TAF4B: variants seen among roughly 807,000 people sequenced by gnomAD.
The protein encoded by TAF4B is TATA-box binding protein associated factor 4b.
TAF4B carries 38 observed loss-of-function variants against 86.4 expected under a neutral mutation model. The observed-to-expected ratio is 0.44, with a 90% CI of 0.34 to 0.58. The LOEUF is 0.58. Among genes scored for constraint, TAF4B ranks in the 20% least tolerant of loss-of-function variants. The probability of loss-of-function intolerance (pLI) is 0.02; values close to 1 mark genes in which losing one functional copy is unlikely to be tolerated. For missense variants in TAF4B, 988 were observed against 1,027.6 expected, an observed-to-expected ratio of 0.96 and a Z score of 0.53; for synonymous variants, 388 against 391.2, an observed-to-expected ratio of 0.99 and a Z score of 0.10.
rs1567913975 is a variant in TAF4B, at chr18:26,346,839, G to GTATATATA, written c.2317-10850_2317-10849insATATATAT. On this transcript the variant is annotated intron_variant, in intron 13 of 14. Coordinates refer to ENST00000269142, the MANE Select transcript of TAF4B (RefSeq NM_005640.3). ...TATGTGTGTGTATATATATATATGT[G>GTATATATA]TGTGTGTATATATATATATGTGTAT... Among the ~76,000 whole-genome samples the GTATATATA allele has an allele frequency of 2.5e-3, 26 of 10,250 alleles. 7 individuals carry two copies. Among genetic ancestry groups the GTATATATA allele is most frequent in the Non-Finnish European group, 4.3e-3 (17 of 3,986 alleles). The allele number at this position is 10,250 out of a possible 152,430, so 6.7% of individuals were successfully genotyped here.
chr18:26,284,977 A>T (rs1184891234), intron 6 of TAF4B, among the ~76,000 whole-genome samples: 4 of 151,608 alleles, frequency 2.6e-5, no homozygotes, highest in East Asian at 1.9e-4. Context: ...ATTTAAAAAA[A>T]TTTTTTTTGA....
At chr18:26,262,393 A>G (rs574616063) in intron 1 of TAF4B, among the ~76,000 whole-genome samples, 25 of 152,050 alleles carry the variant, frequency 1.6e-4, no homozygotes, top group Non-Finnish European at 2.9e-4. Flanking sequence ...CAAATGCCAC[A>G]TATTCTTGCT....
At chr18:26,309,421 G>C (rs13381306) in intron 9 of TAF4B, among the ~76,000 whole-genome samples, 1 of 151,818 alleles carries the variant, frequency 6.6e-6, no homozygotes. Context: ...TTATGTATTA[G>C]AATCTAAATT....
At chr18:26,275,673 C>T (rs1021548583) in intron 5 of TAF4B, among the ~76,000 whole-genome samples, 3 of 151,960 alleles carry the variant, frequency 2.0e-5, no homozygotes, top group African/African-American at 7.3e-5. Flanking sequence ...CTACAAAGGG[C>T]CTTGGAGAAA....
chr18:26,277,345 C>T (rs780213773), intron 5 of TAF4B, among the ~76,000 whole-genome samples: 6 of 152,108 alleles, frequency 3.9e-5, no homozygotes, highest in African/African-American at 7.2e-5. Flanking sequence ...CTTGGCCTGG[C>T]GAAGTGCTAG....
At chr18:26,315,126 C>G (rs148321372) in intron 9 of TAF4B, 103 bp from the exon 10 acceptor site, 8,672 of 329,548 alleles carry the variant, frequency 0.026, 767 homozygotes, top group African/African-American at 0.24. Flanking sequence ...CTCTCTCTCT[C>G]TCTCTCTCTC....
chr18:26,233,374 G>GTGAA (rs2055701794), intron 1 of TAF4B, among the ~76,000 whole-genome samples: 1 of 152,308 alleles, frequency 6.6e-6, no homozygotes, highest in African/African-American at 2.4e-5. Flanking sequence ...GGGTCCAGAG[G>GTGAA]TGAATGGTCA....
At chr18:26,389,105 C>A (rs1301610393) in intron 14 of TAF4B, among the ~76,000 whole-genome samples, 1 of 20,896 alleles carries the variant, frequency 4.8e-5, no homozygotes, top group African/African-American at 8.6e-5. Flanking sequence ...AGCTACTGTG[C>A]CCAACCAGAG....
chr18:26,268,055 A>G (rs1049206354), intron 3 of TAF4B, among the ~76,000 whole-genome samples: 21 of 152,160 alleles, frequency 1.4e-4, no homozygotes, highest in African/African-American at 4.8e-4. Context: ...ATGGGTTAAC[A>G]TGGTTGGCTG....
In TAF4B at chr18:26,343,504, C is replaced by T. The variant is rs770921206; in HGVS notation, c.2316+8273C>T. Among the ~76,000 whole-genome samples the T allele has an allele frequency of 3.0e-4, 45 of 152,276 alleles. 1 individual carries two copies. The highest frequency in any genetic ancestry group is 1.0e-3 in the South Asian group (5 of 4,828). On this transcript the variant is annotated intron_variant, in intron 13 of 14. Coordinates refer to ENST00000269142, the MANE Select transcript of TAF4B (RefSeq NM_005640.3). Reference sequence around the variant, plus strand: ...GCAAAAGCTTTGAAAACTGAGCTGACGTTGTAGCCACAGATCACAGAAGTC... The same window carrying T: ...GCAAAAGCTTTGAAAACTGAGCTGATGTTGTAGCCACAGATCACAGAAGTC...
chr18:26,258,293 T>C (rs1030724971), intron 1 of TAF4B, among the ~76,000 whole-genome samples: 12 of 151,744 alleles, frequency 7.9e-5, no homozygotes, highest in African/African-American at 2.9e-4. Flanking sequence ...AGCAAGGACA[T>C]GTTTATGTCA....
Position 26,346,773 on chromosome 18 carries a change from A to ATATATATATATATATATGTGTG in TAF4B, c.2317-10916_2317-10915insATATATATATATATATGTGTGT, listed in dbSNP as rs1404902479. Among the ~76,000 whole-genome samples, 58 of 24,098 alleles carry ATATATATATATATATATGTGTG rather than the reference A, an allele frequency of 2.4e-3. 12 individuals are homozygous for ATATATATATATATATATGTGTG. The highest frequency in any genetic ancestry group is 3.7e-3 in the Non-Finnish European group (37 of 10,106). The allele number at this position is 24,098 out of a possible 152,430, so 15.8% of individuals were successfully genotyped here. On this transcript the variant is annotated intron_variant, in intron 13 of 14. Coordinates refer to ENST00000269142, the MANE Select transcript of TAF4B (RefSeq NM_005640.3). ...TATATATGTGTGTATATATATATAT[A>ATATATATATATATATATGTGTG]TGTGTGTGTATATATATATATATAT...
chr18:26,314,517 A>G (rs1183929240), intron 9 of TAF4B, among the ~76,000 whole-genome samples: 1 of 152,188 alleles, frequency 6.6e-6, no homozygotes, highest in Non-Finnish European at 1.5e-5. Flanking sequence ...TTTATATTTT[A>G]TATATAGGCC....
intron 14 of TAF4B, among the ~76,000 whole-genome samples, chr18:26,388,129 G>A (rs1024217117): frequency 2.0e-5 from 3 of 152,272 alleles, no homozygotes; most frequent in Middle Eastern, 3.4e-3. Context: ...CAGTCCTATC[G>A]AGACGTTTTG....
chr18:26,307,693 T>G (rs930259726), intron 9 of TAF4B, among the ~76,000 whole-genome samples: 1 of 152,198 alleles, frequency 6.6e-6, no homozygotes, highest in Non-Finnish European at 1.5e-5. Context: ...TTATGTGCTG[T>G]TTGCATAGAT....
intron 13 of TAF4B, among the ~76,000 whole-genome samples, chr18:26,356,983 A>G (rs887626233): frequency 6.6e-6 from 1 of 152,160 alleles, no homozygotes; most frequent in African/African-American, 2.4e-5. Context: ...ACAACAAAAC[A>G]GTACTAAATC....
chr18:26,285,210 C>CTTTCCTTTTTTTTT (rs2056496143), intron 6 of TAF4B, among the ~76,000 whole-genome samples: 2 of 42,516 alleles, frequency 4.7e-5, no homozygotes, highest in African/African-American at 1.6e-4. Context: ...TCTTCCTTTC[C>CTTTCCTTTTTTTTT]TTTTTTTTTT....
At chr18:26,277,928 AT>A (rs2056402200) in intron 5 of TAF4B, among the ~76,000 whole-genome samples, 1 of 152,214 alleles carries the variant, frequency 6.6e-6, no homozygotes, top group Non-Finnish European at 1.5e-5. Context: ...GTTGTTACAC[AT>A]TTTTCAAAAT....
At chr18:26,326,989 ACTTT>A (rs1806520372) in intron 11 of TAF4B, 22 bp from the exon 12 acceptor site, 1 of 1,607,554 alleles carries the variant, frequency 6.2e-7, no homozygotes, top group Non-Finnish European at 8.5e-7. Flanking sequence ...TCATTATAAG[ACTTT>A]CTGTTTTCTT....
Sources: allele counts gnomAD v4.1 joint callset (sites outside exome capture counted in the v4.1 genomes callset), GRCh38; gene constraint gnomAD v4.1.1; transcripts MANE v1.5; gene names NCBI Gene and HGNC (gene_info 2026-07-23, HGNC 2026-07-21).